Variants in CLXN observed in about 807,000 individuals in gnomAD.
The protein encoded by CLXN is EF-hand calcium binding domain 1.
At chr8:48,728,571 T>C in the CLXN span, among the ~76,000 whole-genome samples, 3 of 152,330 alleles carry the variant, frequency 2.0e-5, no homozygotes, top group Middle Eastern at 6.8e-3. Flanking sequence ...CAAGCCTTGG[T>C]TTCCTCATCT....
the CLXN span, chr8:48,711,672 G>A: frequency 2.0e-5 from 3 of 152,318 alleles, no homozygotes; most frequent in South Asian, 6.2e-4. Flanking sequence ...AGGGTCTGCC[G>A]GGAGATTCTG....
the CLXN span, chr8:48,731,538 C>T: frequency 6.5e-7 from 1 of 1,530,078 alleles, no homozygotes. Context: ...AAAAATGAAC[C>T]CTTAATCTTT....
the CLXN span, among the ~76,000 whole-genome samples, chr8:48,717,035 C>T: frequency 2.6e-5 from 4 of 152,050 alleles, no homozygotes; most frequent in African/African-American, 7.3e-5. Context: ...CATGGTGGCA[C>T]GTGCCTGTAA....
chr8:48,730,218 T>C, the CLXN span: 3 of 307,154 alleles, frequency 9.8e-6, no homozygotes, highest in Non-Finnish European at 1.8e-5. Flanking sequence ...TCTCTAGTTT[T>C]ATGGTTACAA....
the CLXN span, among the ~76,000 whole-genome samples, chr8:48,717,822 C>T: frequency 6.6e-6 from 1 of 152,086 alleles, no homozygotes; most frequent in Admixed American, 6.5e-5. Flanking sequence ...TTAAAATAGA[C>T]AAGATATTTT....
the CLXN span, chr8:48,730,189 A>C: frequency 3.2e-6 from 1 of 308,924 alleles, no homozygotes; most frequent in African/African-American, 2.1e-5. Context: ...ATTAAGAATA[A>C]GAACACTTGA....
chr8:48,714,152 G>T, the CLXN span, among the ~76,000 whole-genome samples: 1 of 152,218 alleles, frequency 6.6e-6, no homozygotes, highest in East Asian at 1.9e-4. Flanking sequence ...GAAAAGTCAG[G>T]CCAAGCCTAG....
the CLXN span, chr8:48,730,453 T>C: frequency 1.3e-6 from 1 of 795,300 alleles, no homozygotes; most frequent in South Asian, 2.3e-5. Context: ...AAACCCACTT[T>C]ACTGTCTTGG....
chr8:48,725,799 C>T, the CLXN span, among the ~76,000 whole-genome samples: 16 of 146,556 alleles, frequency 1.1e-4, no homozygotes, highest in African/African-American at 2.3e-4. Flanking sequence ...AGCAAAACTC[C>T]GTCTCAAAAA....
the CLXN span, among the ~76,000 whole-genome samples, chr8:48,726,884 T>TCTAA: frequency 6.9e-6 from 1 of 144,262 alleles, no homozygotes; most frequent in Non-Finnish European, 1.5e-5. Context: ...TATCTATCTA[T>TCTAA]CTATCTATCT....
chr8:48,728,748 A>G, the CLXN span, among the ~76,000 whole-genome samples: 1 of 152,202 alleles, frequency 6.6e-6, no homozygotes, highest in African/African-American at 2.4e-5. Flanking sequence ...AATTATTTTC[A>G]CTGGAAAATA....
At chr8:48,729,916 G>A in the CLXN span, 1 of 1,555,616 alleles carries the variant, frequency 6.4e-7, no homozygotes, top group Non-Finnish European at 8.7e-7. Context: ...CTATCAGTAA[G>A]GTAATATTTT....
chr8:48,722,598 C>T, the CLXN span, among the ~76,000 whole-genome samples: 1 of 152,034 alleles, frequency 6.6e-6, no homozygotes, highest in Non-Finnish European at 1.5e-5. Context: ...ATACACATGG[C>T]AGTTTTCAGT....
the CLXN span, chr8:48,724,129 T>C: frequency 6.6e-6 from 1 of 152,190 alleles, no homozygotes; most frequent in Non-Finnish European, 1.5e-5. Flanking sequence ...AAAGATGTGG[T>C]GGATAAAACC....
the CLXN span, among the ~76,000 whole-genome samples, chr8:48,726,244 C>T: frequency 1.4e-5 from 2 of 145,094 alleles, no homozygotes; most frequent in Non-Finnish European, 1.5e-5. Context: ...ATCCATCCAT[C>T]CATCCAACCA....
chr8:48,725,021 A>G, the CLXN span, among the ~76,000 whole-genome samples: 3 of 152,048 alleles, frequency 2.0e-5, no homozygotes, highest in Admixed American at 6.5e-5. Context: ...AATTGACCCA[A>G]CTCTCCAAAA....
At chr8:48,730,917 AAT>A in the CLXN span, among the ~76,000 whole-genome samples, 1 of 152,152 alleles carries the variant, frequency 6.6e-6, no homozygotes, top group African/African-American at 2.4e-5. Flanking sequence ...GTTGCTATAA[AAT>A]ATGTTGGTCA....
chr8:48,711,304 T>A, the CLXN span: 1 of 152,210 alleles, frequency 6.6e-6, no homozygotes, highest in Non-Finnish European at 1.5e-5. Flanking sequence ...CCTCTCTAGT[T>A]GAGGAGTCTG....
the CLXN span, chr8:48,731,414 G>T: frequency 6.2e-7 from 1 of 1,612,912 alleles, no homozygotes; most frequent in Non-Finnish European, 8.5e-7. Context: ...AATGCATTAC[G>T]ATCCAGTCCA....
Sources: allele counts gnomAD v4.1 joint callset (sites outside exome capture counted in the v4.1 genomes callset), GRCh38; gene constraint gnomAD v4.1.1; transcripts MANE v1.5; gene names NCBI Gene and HGNC (gene_info 2026-07-23, HGNC 2026-07-21).